The following SMIM35 variants were observed in gnomAD, a reference collection of about 807,000 sequenced individuals.
SMIM35 encodes small integral membrane protein 35.
intron 4 of SMIM35, among the ~76,000 whole-genome samples, chr11:118,008,691 C>T (rs1344385713): frequency 6.6e-6 from 1 of 152,240 alleles, no homozygotes; most frequent in Admixed American, 6.5e-5. Flanking sequence ...CCTAGGATTG[C>T]ACCAGGGATG....
chr11:118,020,704 C>T (rs1315197111), intron 1 of SMIM35, among the ~76,000 whole-genome samples: 5 of 152,236 alleles, frequency 3.3e-5, no homozygotes, highest in East Asian at 1.9e-4. Flanking sequence ...GCTGAATTCT[C>T]TCATTCTAAT....
chr11:118,056,614 A>T (rs573579385), intron 1 of SMIM35, among the ~76,000 whole-genome samples: 112 of 152,294 alleles, frequency 7.4e-4, no homozygotes, highest in African/African-American at 2.6e-3. Flanking sequence ...CCCAGGTGAT[A>T]GGTGTAATCG....
intron 1 of SMIM35, among the ~76,000 whole-genome samples, chr11:118,020,002 G>T (rs371622014): frequency 6.6e-6 from 1 of 152,132 alleles, no homozygotes; most frequent in African/African-American, 2.4e-5. Flanking sequence ...GGTGTCTCAC[G>T]CCTGTAATCC....
At chr11:118,027,156 T>A (rs2058281571) in intron 1 of SMIM35, among the ~76,000 whole-genome samples, 1 of 143,808 alleles carries the variant, frequency 7.0e-6, no homozygotes, top group South Asian at 2.3e-4. Context: ...GCCTCCCGAG[T>A]AGCTGGGACT....
chr11:118,008,391 G>A (rs1050548136), intron 4 of SMIM35, among the ~76,000 whole-genome samples: 1 of 152,202 alleles, frequency 6.6e-6, no homozygotes, highest in Non-Finnish European at 1.5e-5. Context: ...GACCCCTGGA[G>A]CAGAGAGTGG....
chr11:118,028,646 A>G, intron 1 of SMIM35: 1 of 231,128 alleles, frequency 4.3e-6, no homozygotes, highest in Non-Finnish European at 8.9e-6. Flanking sequence ...GAAAATTGGC[A>G]TAAAATTTAC....
chr11:118,024,477 G>C (rs1036445472), intron 1 of SMIM35, among the ~76,000 whole-genome samples: 1 of 152,008 alleles, frequency 6.6e-6, no homozygotes, highest in Admixed American at 6.6e-5. Flanking sequence ...GTTCTGTTTT[G>C]TTTTGTTTTG....
At chr11:118,043,620 C>T (rs1944040884) in intron 1 of SMIM35, among the ~76,000 whole-genome samples, 1 of 151,950 alleles carries the variant, frequency 6.6e-6, no homozygotes, top group Non-Finnish European at 1.5e-5. Context: ...ACCACCCTGG[C>T]TAACACAGTG....
chr11:118,047,600 T>C (rs528558126), intron 1 of SMIM35, among the ~76,000 whole-genome samples: 1 of 152,316 alleles, frequency 6.6e-6, no homozygotes, highest in East Asian at 1.9e-4. Flanking sequence ...GACCTTAGAC[T>C]GTCCTGTCCA....
chr11:118,012,042 C>T (rs1368054821), intron 4 of SMIM35, among the ~76,000 whole-genome samples: 1 of 152,176 alleles, frequency 6.6e-6, no homozygotes, highest in African/African-American at 2.4e-5. Flanking sequence ...CTGCTAGAAC[C>T]CAAAACGAGA....
chr11:118,061,457 G>A (rs1002122875), intron 1 of SMIM35, among the ~76,000 whole-genome samples: 1 of 152,144 alleles, frequency 6.6e-6, no homozygotes. Context: ...TTATTTCAGG[G>A]ACTAGAGTGG....
intron 1 of SMIM35, among the ~76,000 whole-genome samples, chr11:118,082,566 AAAAG>A (rs56317794): frequency 1.2e-4 from 18 of 150,166 alleles, no homozygotes; most frequent in Non-Finnish European, 2.5e-4. Context: ...GTCTCAAAAA[AAAAG>A]AAAGAAAGAA....
chr11:118,059,803 A>G (rs537275393), intron 1 of SMIM35, among the ~76,000 whole-genome samples: 1 of 152,300 alleles, frequency 6.6e-6, no homozygotes, highest in East Asian at 1.9e-4. Context: ...CCAAACCACC[A>G]TATCTGAGAC....
chr11:118,055,937 G>A (rs1299773902), intron 1 of SMIM35, among the ~76,000 whole-genome samples: 1 of 151,978 alleles, frequency 6.6e-6, no homozygotes, highest in African/African-American at 2.4e-5. Context: ...GTGATGCCAA[G>A]GAAGCATCCC....
chr11:118,038,153 A>C (rs1190555130), intron 1 of SMIM35, among the ~76,000 whole-genome samples: 1 of 152,204 alleles, frequency 6.6e-6, no homozygotes, highest in East Asian at 1.9e-4. Context: ...CGTGTGTCAG[A>C]AATGGATTTG....
In SMIM35 at chr11:118,077,008, C is replaced by A. The variant is rs1232518582; in HGVS notation, c.7+9743G>T. On this transcript the variant is annotated intron_variant, in intron 1 of 4. Transcript: ENST00000689828. ...AAGATAGGTGTCAGGTTACAAGACA[C>A]ATAATCATTCCAGTTTGGCAACTTC... 8 of 423,574 alleles carry A rather than the reference C, an allele frequency of 1.9e-5. No homozygotes were observed. In the South Asian group the frequency reaches 2.9e-4, roughly 15 times the overall value. The allele number at this position is 423,574 out of a possible 1,614,324, so 26.2% of individuals were successfully genotyped here.
chr11:118,082,663 C>T (rs1945235534), intron 1 of SMIM35, among the ~76,000 whole-genome samples: 2 of 152,094 alleles, frequency 1.3e-5, no homozygotes, highest in South Asian at 4.1e-4. Flanking sequence ...CTATAATTAA[C>T]TTAGACTTTC....
chr11:118,074,158 C>T (rs767044953), intron 1 of SMIM35, among the ~76,000 whole-genome samples: 6 of 152,140 alleles, frequency 3.9e-5, no homozygotes, highest in African/African-American at 7.2e-5. Context: ...AACATATTGC[C>T]GGGCCCTTTC....
At chr11:118,082,627 G>C (rs1272063549) in intron 1 of SMIM35, among the ~76,000 whole-genome samples, 1 of 152,074 alleles carries the variant, frequency 6.6e-6, no homozygotes, top group Admixed American at 6.6e-5. Flanking sequence ...GGGTCATTCA[G>C]CCAAGGGCAA....
Sources: allele counts gnomAD v4.1 joint callset (sites outside exome capture counted in the v4.1 genomes callset), GRCh38; gene constraint gnomAD v4.1.1; transcripts MANE v1.5; gene names NCBI Gene and HGNC (gene_info 2026-07-23, HGNC 2026-07-21).